The following RAB30 variants were observed in gnomAD, a reference collection of about 807,000 sequenced individuals.
RAB30 encodes the protein ras-related protein Rab-30.
A neutral mutation model predicts 25.1 loss-of-function variants in RAB30; 9 were observed. That is an observed-to-expected ratio of 0.36 (90% CI 0.22 to 0.63). The LOEUF is 0.63. Among genes scored for constraint, RAB30 ranks in the 20% least tolerant of loss-of-function variants. RAB30 has a pLI of 0.69. For synonymous variants in RAB30, 77 were observed against 86.4 expected (o/e 0.89, Z 0.60); for missense variants, 140 against 243.5 (o/e 0.58, Z 2.83).
Position 82,999,139 on chromosome 11 carries a change from T to A in RAB30, c.-8-1815A>T, listed in dbSNP as rs188295513. Among the ~76,000 whole-genome samples, 37 of 152,322 alleles carry A rather than the reference T, an allele frequency of 2.4e-4. 1 individual carries two copies. Among genetic ancestry groups the A allele is most frequent in the Non-Finnish European group, 1.6e-4 (11 of 68,016 alleles). On this transcript the variant is annotated intron_variant, in intron 1 of 4. Transcript: ENST00000527633. ...TACAAGAATCTGGGTCCATAAGCAGTGGTAGCATTATACTTGGCCCTTTAT... is the reference window on the plus strand; with the variant it reads ...TACAAGAATCTGGGTCCATAAGCAGAGGTAGCATTATACTTGGCCCTTTAT...
At chr11:82,996,625 GAACCTGT>G (rs957813783) in intron 2 of RAB30, among the ~76,000 whole-genome samples, 18 of 152,290 alleles carry the variant, frequency 1.2e-4, no homozygotes, top group South Asian at 6.2e-4. Flanking sequence ...GTCCCAAAGG[GAACCTGT>G]ACTTAGATCA....
At chr11:82,986,207 A>G (rs1856736335) in intron 4 of RAB30, among the ~76,000 whole-genome samples, 1 of 152,236 alleles carries the variant, frequency 6.6e-6, no homozygotes, top group South Asian at 2.1e-4. Flanking sequence ...GATTTGCTTC[A>G]AAATAATCTG....
intron 1 of RAB30, among the ~76,000 whole-genome samples, chr11:83,059,383 C>T (rs563894814): frequency 1.3e-5 from 2 of 152,308 alleles, no homozygotes; most frequent in East Asian, 1.9e-4. Flanking sequence ...AGAGAACACC[C>T]TAATTCTTGT....
chr11:83,033,897 A>C (rs1478215532), intron 1 of RAB30, among the ~76,000 whole-genome samples: 1 of 152,146 alleles, frequency 6.6e-6, no homozygotes, highest in Non-Finnish European at 1.5e-5. Context: ...CCAAACAAAC[A>C]AAAACAAAAA....
chr11:83,031,263 G>T (rs1484284843), intron 1 of RAB30, among the ~76,000 whole-genome samples: 1 of 152,196 alleles, frequency 6.6e-6, no homozygotes, highest in Non-Finnish European at 1.5e-5. Flanking sequence ...TAAAAACAAG[G>T]TTCACACATG....
At chr11:83,005,179 C>A (rs1224022037) in intron 1 of RAB30, among the ~76,000 whole-genome samples, 12 of 152,290 alleles carry the variant, frequency 7.9e-5, no homozygotes, top group African/African-American at 2.4e-4. Flanking sequence ...TCTAATCATT[C>A]ATTCTGCAAG....
In RAB30 at chr11:82,980,301, C is replaced by T. The variant is rs1453607506; in HGVS notation, c.*1864G>A. 2 of 152,172 alleles carry T rather than the reference C, an allele frequency of 1.3e-5. No homozygotes were observed. The highest frequency in any genetic ancestry group is 2.9e-5 in the Non-Finnish European group (2 of 68,026). The allele number at this position is 152,172 out of a possible 1,614,324, so 9.4% of individuals were successfully genotyped here. ...AAAACAAGTCAAACTTCTGGGATGC[C>T]TTTCTCTTTCCCACAGGATCAGGAA... On this transcript the variant is annotated 3_prime_UTR_variant, in exon 5 of 5. Transcript: ENST00000527633.
intron 1 of RAB30, among the ~76,000 whole-genome samples, chr11:83,009,175 T>C (rs943909733): frequency 1.9e-4 from 29 of 151,812 alleles, no homozygotes; most frequent in African/African-American, 6.3e-4. Context: ...TTCAAGCAAT[T>C]CTGTCTCAGC....
rs1375431239 is a variant in RAB30, at chr11:82,977,695, A to T, written c.*4470T>A. The T allele has an allele frequency of 6.6e-6, 1 of 152,092 alleles. No individual in the cohort carries two copies. The highest frequency in any genetic ancestry group is 6.5e-5 in the Admixed American group (1 of 15,268). The allele number at this position is 152,092 out of a possible 1,614,324, so 9.4% of individuals were successfully genotyped here. A position where few individuals can be genotyped will look rare whatever the true frequency, so the allele number is the denominator to read the frequency against. ...CTTTTTCCTAACCTAAGTCTCCCCAAATCCTTCAAGTATTCTTTAAATGGC... is the reference window on the plus strand; with the variant it reads ...CTTTTTCCTAACCTAAGTCTCCCCATATCCTTCAAGTATTCTTTAAATGGC... On this transcript the variant is annotated 3_prime_UTR_variant, in exon 5 of 5. Transcript: ENST00000527633.
intron 2 of RAB30, among the ~76,000 whole-genome samples, chr11:82,994,954 C>G (rs540766779): frequency 5.3e-5 from 8 of 152,222 alleles, no homozygotes; most frequent in African/African-American, 1.9e-4. Flanking sequence ...CATTTTAAAA[C>G]AAATAAACAA....
intron 1 of RAB30, among the ~76,000 whole-genome samples, chr11:83,050,645 G>T (rs890742794): frequency 6.6e-6 from 1 of 152,196 alleles, no homozygotes; most frequent in African/African-American, 2.4e-5. Flanking sequence ...TTAAAGTGAT[G>T]AATATGATCC....
intron 1 of RAB30, among the ~76,000 whole-genome samples, chr11:83,065,750 C>A (rs1220276177): frequency 6.6e-6 from 1 of 152,160 alleles, no homozygotes; most frequent in South Asian, 2.1e-4. Context: ...AAAACAGCTA[C>A]CATGAGCACC....
intron 1 of RAB30, among the ~76,000 whole-genome samples, chr11:83,027,083 C>A (rs147438487): frequency 1.5e-3 from 234 of 152,312 alleles, no homozygotes; most frequent in African/African-American, 5.5e-3. Flanking sequence ...ATTAACAAAA[C>A]TCCAAAGGCC....
rs1309693037 is a variant in RAB30 at position 82,980,521 on chromosome 11, A to G, written c.*1644T>C. 1 of 152,236 alleles carries G rather than the reference A, an allele frequency of 6.6e-6. No homozygotes were observed. Among genetic ancestry groups the G allele is most frequent in the African/African-American group, 2.4e-5 (1 of 41,458 alleles). The allele number at this position is 152,236 out of a possible 1,614,324, so 9.4% of individuals were successfully genotyped here. ...ACATATCAGAACTGAGATTGTCACCATCTACAGCAACAGTGGAATTACACA... is the reference window on the plus strand; with the variant it reads ...ACATATCAGAACTGAGATTGTCACCGTCTACAGCAACAGTGGAATTACACA... On this transcript the variant is annotated 3_prime_UTR_variant, in exon 5 of 5. Transcript: ENST00000527633.
rs565831816 is a variant in RAB30 at position 83,041,966 on chromosome 11, C to T, written c.-9+29725G>A. Among the ~76,000 whole-genome samples, 182 of 149,490 alleles carry T rather than the reference C, an allele frequency of 1.2e-3. 2 individuals are homozygous for T. The highest frequency in any genetic ancestry group is 3.5e-3 in the Middle Eastern group (1 of 284). ...CTGAGGCAGGAGAATCGCTTGAACCCGGGAGGTGGAGGTTGCAGTGACCAC... is the reference window on the plus strand; with the variant it reads ...CTGAGGCAGGAGAATCGCTTGAACCTGGGAGGTGGAGGTTGCAGTGACCAC... On this transcript the variant is annotated intron_variant, in intron 1 of 4. Coordinates refer to ENST00000527633, the MANE Select transcript of RAB30 (RefSeq NM_001286060.2).
At chr11:83,066,244 G>A (rs990292275) in intron 1 of RAB30, among the ~76,000 whole-genome samples, 1 of 152,152 alleles carries the variant, frequency 6.6e-6, no homozygotes, top group African/African-American at 2.4e-5. Flanking sequence ...AAAACCCAAT[G>A]TAGAGAATTT....
In RAB30 at chr11:83,015,053, T is replaced by A. The variant is rs112911312; in HGVS notation, c.-8-17729A>T. Among the ~76,000 whole-genome samples, 5 of 152,194 alleles carry A rather than the reference T, an allele frequency of 3.3e-5. 1 individual carries two copies. Among genetic ancestry groups the A allele is most frequent in the African/African-American group, 1.2e-4 (5 of 41,448 alleles). On this transcript the variant is annotated intron_variant, in intron 1 of 4. Coordinates refer to ENST00000527633, the MANE Select transcript of RAB30 (RefSeq NM_001286060.2). Reference sequence around the variant, plus strand: ...GGAGACTGCTGTGGGACAGGTCACATAGAGCTTGGAAAGCCAGGGCAAGGA... The same window carrying A: ...GGAGACTGCTGTGGGACAGGTCACAAAGAGCTTGGAAAGCCAGGGCAAGGA...
At chr11:83,032,581 C>T (rs756897918) in intron 1 of RAB30, among the ~76,000 whole-genome samples, 6 of 152,226 alleles carry the variant, frequency 3.9e-5, no homozygotes, top group Admixed American at 6.5e-5. Context: ...CCTCCAACCT[C>T]AGCCACCTGA....
intron 1 of RAB30, among the ~76,000 whole-genome samples, chr11:83,025,420 T>C (rs1705028641): frequency 6.6e-6 from 1 of 152,198 alleles, no homozygotes; most frequent in African/African-American, 2.4e-5. Flanking sequence ...ACACCAGACT[T>C]GAAAGCAAAG....
Sources: gnomAD v4.1 joint callset for allele counts (sites outside exome capture counted in the v4.1 genomes callset) on GRCh38, gnomAD v4.1.1 for gene constraint, MANE v1.5 for transcripts, NCBI Gene and HGNC (gene_info 2026-07-23, HGNC 2026-07-21) for gene names.